SNX29: variants seen among roughly 807,000 people sequenced by gnomAD.
SNX29 encodes the protein sorting nexin-29.
In SNX29, 78 loss-of-function variants were observed where a neutral mutation model predicts 102.1. The ratio of observed to expected loss-of-function variants is 0.76; its 90% confidence interval spans 0.64 to 0.92. SNX29 has a LOEUF of 0.92. Ranked by LOEUF, SNX29 falls within the 40% of genes least tolerant of loss-of-function variation. The probability of loss-of-function intolerance (pLI) is 0.00; values close to 1 mark genes in which losing one functional copy is unlikely to be tolerated. For synonymous variants in SNX29, 580 were observed against 414.5 expected, an observed-to-expected ratio of 1.40 and a Z score of -4.85; for missense variants, 1,280 against 1,061.7, an observed-to-expected ratio of 1.21 and a Z score of -2.86.
chr16:12,071,316 G>T (rs2051290117), intron 10 of SNX29, among the ~76,000 whole-genome samples: 1 of 152,106 alleles, frequency 6.6e-6, no homozygotes, highest in Non-Finnish European at 1.5e-5. Flanking sequence ...TAACATGTAA[G>T]TCTTTAATCC....
At chr16:12,557,965 G>A (rs563106278) in intron 20 of SNX29, among the ~76,000 whole-genome samples, 3 of 152,110 alleles carry the variant, frequency 2.0e-5, no homozygotes, top group East Asian at 3.9e-4. Context: ...TCTTCCTGTG[G>A]GTCTTCTGCT....
At chr16:12,291,116 C>A (rs1420179145) in intron 15 of SNX29, among the ~76,000 whole-genome samples, 1 of 152,132 alleles carries the variant, frequency 6.6e-6, no homozygotes, top group Non-Finnish European at 1.5e-5. Flanking sequence ...TACGAGGCTC[C>A]TGTTTCTCTC....
At chr16:12,462,213 C>T (rs1014937340) in intron 18 of SNX29, among the ~76,000 whole-genome samples, 4 of 151,568 alleles carry the variant, frequency 2.6e-5, no homozygotes, top group Non-Finnish European at 4.4e-5. Context: ...GGGCTGGACC[C>T]TGCTTCCATG....
intron 13 of SNX29, among the ~76,000 whole-genome samples, chr16:12,144,899 T>C (rs1236538832): frequency 6.6e-6 from 1 of 152,178 alleles, no homozygotes; most frequent in East Asian, 1.9e-4. Context: ...GTTTTTGTAT[T>C]TTTAGTAGAG....
At chr16:12,146,023 CCTCT>C (rs1177049244) in intron 13 of SNX29, among the ~76,000 whole-genome samples, 4 of 152,220 alleles carry the variant, frequency 2.6e-5, no homozygotes, top group African/African-American at 9.6e-5. Context: ...AAGAAAGCGG[CCTCT>C]CTTTTACCCC....
intron 15 of SNX29, among the ~76,000 whole-genome samples, chr16:12,314,100 C>T (rs1355495577): frequency 6.6e-6 from 1 of 152,252 alleles, no homozygotes; most frequent in Non-Finnish European, 1.5e-5. Context: ...ATCCTCCCAC[C>T]TCAGCCTCCT....
rs561602496 is a variant in SNX29, at chr16:12,299,330, A to G, written c.1782+21294A>G. ...AAAAAAATTACAAATTTATGTATTT[A>G]AGCCTATTTGATGTTTTCCAGTTCA... On this transcript the variant is annotated intron_variant, in intron 15 of 20. Coordinates refer to ENST00000566228, the MANE Select transcript of SNX29 (RefSeq NM_032167.5). Among the ~76,000 whole-genome samples the G allele has an allele frequency of 2.6e-5, 4 of 152,300 alleles. No homozygotes were observed. The East Asian group carries it at 5.8e-4, about 22-fold the overall frequency.
In SNX29 at chr16:12,572,470, G is replaced by A. The variant is rs150566821; in HGVS notation, c.*3841G>A. On this transcript the variant is annotated 3_prime_UTR_variant, in exon 21 of 21. Coordinates refer to ENST00000566228, the MANE Select transcript of SNX29 (RefSeq NM_032167.5). ...CTGCATGGTACATTTTGCCAACCCT[G>A]AGGACCAGTTCTTGGGGTTCCAGGC... The A allele has an allele frequency of 1.9e-6, 2 of 1,063,834 alleles. No individual in the cohort carries two copies. The highest frequency in any genetic ancestry group is 1.6e-5 in the African/African-American group (1 of 61,078). The allele number at this position is 1,063,834 out of a possible 1,614,324, so 65.9% of individuals were successfully genotyped here.
chr16:12,287,074 G>A (rs576342254), intron 15 of SNX29, among the ~76,000 whole-genome samples: 64 of 152,326 alleles, frequency 4.2e-4, no homozygotes, highest in African/African-American at 1.4e-3. Context: ...ACAAGGAACT[G>A]GAGCATCTCA....
chr16:12,514,781 C>T (rs1487334595), intron 19 of SNX29, among the ~76,000 whole-genome samples: 2 of 152,106 alleles, frequency 1.3e-5, no homozygotes, highest in African/African-American at 4.8e-5. Context: ...AGGAGAATCA[C>T]TTGAACCGGG....
At chr16:12,557,766 A>G (rs935060604) in intron 20 of SNX29, 1 of 152,146 alleles carries the variant, frequency 6.6e-6, no homozygotes, top group African/African-American at 2.4e-5. Flanking sequence ...TAAGCAACAG[A>G]TATTTTTCAG....
intron 16 of SNX29, among the ~76,000 whole-genome samples, chr16:12,389,150 G>C (rs1328275194): frequency 1.3e-5 from 2 of 152,206 alleles, no homozygotes; most frequent in Admixed American, 6.5e-5. Flanking sequence ...AGCCAGTTCA[G>C]ATTCTCGGTT....
intron 3 of SNX29, among the ~76,000 whole-genome samples, chr16:12,022,747 C>G (rs895399255): frequency 6.6e-6 from 1 of 152,042 alleles, no homozygotes; most frequent in African/African-American, 2.4e-5. Flanking sequence ...TAAATTGAAC[C>G]ATGGTTATGT....
At chr16:12,383,772 C>CTT (rs58531196) in intron 16 of SNX29, among the ~76,000 whole-genome samples, 116 of 105,942 alleles carry the variant, frequency 1.1e-3, no homozygotes, top group African/African-American at 3.0e-3. Flanking sequence ...CGTCAACTTT[C>CTT]TTTTTTTTTT....
chr16:12,100,550 G>A (rs1380940279), intron 11 of SNX29, among the ~76,000 whole-genome samples: 1 of 152,116 alleles, frequency 6.6e-6, no homozygotes, highest in African/African-American at 2.4e-5. Flanking sequence ...TGTCCAGATC[G>A]GGCTGTCTGC....
At chr16:12,410,397 C>G (rs183691650) in intron 18 of SNX29, among the ~76,000 whole-genome samples, 1 of 152,222 alleles carries the variant, frequency 6.6e-6, no homozygotes, top group Non-Finnish European at 1.5e-5. Flanking sequence ...AGTATCTGAA[C>G]TCTTCCCATC....
intron 14 of SNX29, among the ~76,000 whole-genome samples, chr16:12,265,698 CAAAAAAAAAAAAA>C (rs67651482): frequency 2.7e-3 from 165 of 60,666 alleles, no homozygotes; most frequent in African/African-American, 1.0e-2. Flanking sequence ...TCAACTCTAC[CAAAAAAAAAAAAA>C]AAAAAAAAAA....
chr16:12,063,455 A>G (rs1177216667), intron 9 of SNX29, among the ~76,000 whole-genome samples: 2 of 134,826 alleles, frequency 1.5e-5, no homozygotes, highest in Non-Finnish European at 3.1e-5. Flanking sequence ...GCTCACTGCA[A>G]CCTCCGCCTT....
At chr16:12,025,516 C>T (rs1255598539) in intron 3 of SNX29, among the ~76,000 whole-genome samples, 1 of 151,950 alleles carries the variant, frequency 6.6e-6, no homozygotes, top group Non-Finnish European at 1.5e-5. Context: ...GAGCTAGGTG[C>T]CAGGAATCCA....
Sources: allele counts gnomAD v4.1 joint callset (sites outside exome capture counted in the v4.1 genomes callset), GRCh38; gene constraint gnomAD v4.1.1; transcripts MANE v1.5; gene names NCBI Gene and HGNC (gene_info 2026-07-23, HGNC 2026-07-21).